CD83: variants seen among roughly 807,000 people sequenced by gnomAD.
CD83 encodes CD83 antigen.
In CD83, 22 loss-of-function variants were observed where a neutral mutation model predicts 24.6. That is an observed-to-expected ratio of 0.90 (90% CI 0.64 to 1.28). The LOEUF is 1.28. Among genes scored for constraint, CD83 ranks in the 50% most tolerant of loss-of-function variants. CD83 has a pLI of 0.00. For synonymous variants in CD83, 101 were observed against 103.5 expected, an observed-to-expected ratio of 0.98 and a Z score of 0.14; for missense variants, 253 against 252.8, an observed-to-expected ratio of 1.00 and a Z score of -0.01.
At position 14,117,848 on chromosome 6, in the gene CD83, G is replaced by C; in HGVS notation, c.37G>C (p.Ala13Pro). 1 of 1,575,040 alleles carries C rather than the reference G, an allele frequency of 6.3e-7. No individual in the cohort carries two copies. Among genetic ancestry groups the C allele is most frequent in the Non-Finnish European group, 8.6e-7 (1 of 1,168,146 alleles). ...CCTCCAGCTTCTGCTCCTGAGCTGCGGTAGGGCTCGCGAGCGCCTGTCTCG... is the reference window on the plus strand; with the variant it reads ...CCTCCAGCTTCTGCTCCTGAGCTGCCGTAGGGCTCGCGAGCGCCTGTCTCG... ...RGLQLLLLSC[A>P]YSLAPATPEV... Residue 13 changes from alanine to proline, a missense_variant and splice_region_variant, in exon 1 of 5, where the codon GCC (alanine) becomes CCC (proline). Ala to Pro is a conservative substitution (Grantham distance 27, BLOSUM62 -1). Coordinates refer to ENST00000379153, the MANE Select transcript of CD83 (RefSeq NM_004233.4). This position sits in a 1 kb window ranked among gnomAD's most constrained non-coding sequence, Gnocchi z 4.6.
At chr6:14,125,337 G>A (rs1271475969) in intron 2 of CD83, among the ~76,000 whole-genome samples, 21 of 152,144 alleles carry the variant, frequency 1.4e-4, no homozygotes. Context: ...CCTCTACATA[G>A]CAGCCAGATC....
chr6:14,118,443 CAG>C (rs1759595548), intron 2 of CD83, among the ~76,000 whole-genome samples: 1 of 152,142 alleles, frequency 6.6e-6, no homozygotes, highest in Non-Finnish European at 1.5e-5. Flanking sequence ...GGGCATTGGA[CAG>C]GGGGAATGTC....
chr6:14,121,779 T>C (rs1759677386), intron 2 of CD83, among the ~76,000 whole-genome samples: 1 of 152,080 alleles, frequency 6.6e-6, no homozygotes, highest in African/African-American at 2.4e-5. Flanking sequence ...ATCATGTCTG[T>C]GAGGAGTAAA....
Position 14,129,089 on chromosome 6 carries a change from G to T in CD83, c.154-2431G>T, listed in dbSNP as rs566180117. On this transcript the variant is annotated intron_variant, in intron 2 of 4. Transcript: ENST00000379153. The surrounding 1 kb of genome is among the most constrained non-coding windows in gnomAD (Gnocchi z 4.3). ...TTCTGAGCTGAGGGAGGGGTTGCTG[G>T]ATGGGAGAGGAGCTTCCCAGGAGAA... Among the ~76,000 whole-genome samples the T allele has an allele frequency of 1.4e-4, 21 of 152,340 alleles. No homozygotes were observed. The highest frequency in any genetic ancestry group is 1.3e-3 in the Admixed American group (20 of 15,306).
chr6:14,136,841 TA>T lies in CD83; in HGVS notation c.*1609del, dbSNP rs1758065119. On this transcript the variant is annotated 3_prime_UTR_variant, in exon 5 of 5. Coordinates refer to ENST00000379153, the MANE Select transcript of CD83 (RefSeq NM_004233.4). ...AAACCTGCACTTATACCCATGAACT[TA>T]AAATGAAAGTTAAAAATAAAAAACA... 6.6e-6 allele frequency: 1 copy of T among 152,088 alleles called. No homozygotes were observed. Among genetic ancestry groups the T allele is most frequent in the African/African-American group, 2.4e-5 (1 of 41,402 alleles). 9.4% of individuals were successfully genotyped at this position (152,088 alleles called of 1,614,324 possible). A position where few individuals can be genotyped will look rare whatever the true frequency, so the allele number is the denominator to read the frequency against.
At chr6:14,126,248 A>G (rs1349585555) in intron 2 of CD83, among the ~76,000 whole-genome samples, 1 of 152,220 alleles carries the variant, frequency 6.6e-6, no homozygotes, top group Non-Finnish European at 1.5e-5. Context: ...ATATTCAGGG[A>G]ACTATTTAGT....
At chr6:14,127,519 T>C (rs966862662) in intron 2 of CD83, among the ~76,000 whole-genome samples, 11 of 152,074 alleles carry the variant, frequency 7.2e-5, no homozygotes, top group African/African-American at 2.4e-4. Context: ...TTATTTTATG[T>C]CTTTTGTTTT....
chr6:14,117,709 G>C, upstream of CD83: 1 of 829,524 alleles, frequency 1.2e-6, no homozygotes, highest in Non-Finnish European at 1.7e-6. This position sits in a 1 kb window ranked among gnomAD's most constrained non-coding sequence, Gnocchi z 4.6. Context: ...GAATCCCCCG[G>C]GCTGGCGCGC....
At chr6:14,132,928 G>T (rs1757948734) in intron 3 of CD83, among the ~76,000 whole-genome samples, 1 of 152,238 alleles carries the variant, frequency 6.6e-6, no homozygotes, top group African/African-American at 2.4e-5. Flanking sequence ...CACATTGGGT[G>T]TTGCACCTGA....
At chr6:14,131,499 G>A (rs763434524) in intron 2 of CD83, 21 bp from the exon 3 acceptor site, 25 of 1,579,404 alleles carry the variant, frequency 1.6e-5, no homozygotes, top group South Asian at 3.3e-5. Flanking sequence ...ACCGTGATGC[G>A]CTCTGATTCC....
At chr6:14,121,768 TATC>T (rs1056719098) in intron 2 of CD83, among the ~76,000 whole-genome samples, 20 of 151,844 alleles carry the variant, frequency 1.3e-4, no homozygotes, top group Admixed American at 1.1e-3. Context: ...CATAGCACAA[TATC>T]ATGTCTGTGA....
intron 2 of CD83, among the ~76,000 whole-genome samples, chr6:14,130,260 A>G (rs866717937): frequency 6.6e-6 from 1 of 152,256 alleles, no homozygotes; most frequent in Non-Finnish European, 1.5e-5. Flanking sequence ...CTGCATGTGT[A>G]CATTCATTTT....
intron 2 of CD83, among the ~76,000 whole-genome samples, chr6:14,125,825 G>A (rs375193740): frequency 3.0e-4 from 46 of 152,282 alleles, no homozygotes; most frequent in African/African-American, 9.4e-4. Flanking sequence ...TGGATATTTT[G>A]AAGACATCAT....
intron 3 of CD83, among the ~76,000 whole-genome samples, chr6:14,133,392 G>A (rs1239249136): frequency 6.6e-6 from 1 of 152,234 alleles, no homozygotes; most frequent in African/African-American, 2.4e-5. Flanking sequence ...TCTTTCATCT[G>A]TAAAATGGGA....
upstream of CD83, chr6:14,117,607 G>T (rs1759558912): frequency 7.5e-6 from 2 of 265,914 alleles, no homozygotes. The surrounding 1 kb of genome is among the most constrained non-coding windows in gnomAD (Gnocchi z 4.6). Context: ...CGGGGACGGG[G>T]GCGGGGACGG....
At chr6:14,130,112 G>A (rs1216468952) in intron 2 of CD83, among the ~76,000 whole-genome samples, 4 of 152,122 alleles carry the variant, frequency 2.6e-5, no homozygotes, top group Non-Finnish European at 5.9e-5. Flanking sequence ...TATCATGCTA[G>A]GGACAGGTAA....
chr6:14,122,050 G>T (rs555219899), intron 2 of CD83, among the ~76,000 whole-genome samples: 19 of 152,276 alleles, frequency 1.2e-4, no homozygotes, highest in South Asian at 4.1e-4. Flanking sequence ...TGCTGCGGGG[G>T]TGAGGAGAGT....
At chr6:14,132,102 A>C (rs1757925681) in intron 3 of CD83, among the ~76,000 whole-genome samples, 1 of 152,190 alleles carries the variant, frequency 6.6e-6, no homozygotes, top group Non-Finnish European at 1.5e-5. Context: ...GTCCCTGTTT[A>C]AGGGGGCAGT....
intron 4 of CD83, 56 bp from the exon 5 acceptor site, chr6:14,135,052 G>T: frequency 6.3e-7 from 1 of 1,588,490 alleles, no homozygotes; most frequent in South Asian, 1.1e-5. Flanking sequence ...AAAAGGAGGT[G>T]ACAACTGCTG....
Sources: gnomAD v4.1 joint callset for allele counts (sites outside exome capture counted in the v4.1 genomes callset) on GRCh38, gnomAD v4.1.1 for gene constraint, Gnocchi (gnomAD v3.1) non-coding constraint, MANE v1.5 for transcripts, NCBI Gene and HGNC (gene_info 2026-07-23, HGNC 2026-07-21) for gene names.